FAM227B: variants seen among roughly 807,000 people sequenced by gnomAD.
The protein encoded by FAM227B is protein FAM227B.
Under a neutral mutation model 73.8 loss-of-function variants are expected in FAM227B, and 88 were observed. The ratio of observed to expected loss-of-function variants is 1.19; its 90% CI spans 1.00 to 1.42. The LOEUF (loss-of-function observed/expected upper bound fraction) is 1.42, where lower values mean the gene tolerates loss of function less well. FAM227B is among the 40% of genes most tolerant of loss of function. The pLI, the probability that FAM227B is intolerant of heterozygous loss-of-function variation, is 0.00. For synonymous variants in FAM227B, 210 were observed against 190.5 expected, an observed-to-expected ratio of 1.10 and a Z score of -0.84; for missense variants, 632 against 590.9, an observed-to-expected ratio of 1.07 and a Z score of -0.72.
chr15:49,547,570 A>C (rs1199112031), intron 9 of FAM227B, among the ~76,000 whole-genome samples: 1 of 152,204 alleles, frequency 6.6e-6, no homozygotes, highest in African/African-American at 2.4e-5. Context: ...GCTCAAAATA[A>C]AGGGATGGAG....
chr15:49,460,859 ATGTTT>A (rs1415274697), intron 11 of FAM227B, among the ~76,000 whole-genome samples: 1 of 152,156 alleles, frequency 6.6e-6, no homozygotes. Context: ...TTGTTTGATT[ATGTTT>A]TGTTTTGTCT....
chr15:49,482,149 T>C (rs2056009743), intron 11 of FAM227B, among the ~76,000 whole-genome samples: 1 of 152,096 alleles, frequency 6.6e-6, no homozygotes, highest in Admixed American at 6.6e-5. Flanking sequence ...CTCAGGACTG[T>C]ACCTTCATGT....
chr15:49,530,596 G>A (rs1567500889), intron 10 of FAM227B, among the ~76,000 whole-genome samples: 2 of 151,740 alleles, frequency 1.3e-5, no homozygotes, highest in South Asian at 2.1e-4. Flanking sequence ...TGCCTCTGTT[G>A]TAATAGAACT....
At chr15:49,554,945 C>T (rs2073481743) in intron 9 of FAM227B, among the ~76,000 whole-genome samples, 2 of 152,076 alleles carry the variant, frequency 1.3e-5, no homozygotes, top group Admixed American at 6.5e-5. Context: ...GGATTTTTCT[C>T]CATCCCTTTA....
At chr15:49,489,742 T>C (rs866805999) in intron 11 of FAM227B, among the ~76,000 whole-genome samples, 1 of 142,434 alleles carries the variant, frequency 7.0e-6, no homozygotes, top group South Asian at 2.2e-4. Context: ...TGGTATCCCC[T>C]GTTCTATATA....
At chr15:49,464,463 T>C (rs1342888283) in intron 11 of FAM227B, among the ~76,000 whole-genome samples, 2 of 152,210 alleles carry the variant, frequency 1.3e-5, no homozygotes, top group African/African-American at 2.4e-5. Context: ...AGTTTGTAGG[T>C]TGGGCTAACA....
intron 11 of FAM227B, among the ~76,000 whole-genome samples, chr15:49,376,429 T>C (rs1370992971): frequency 6.6e-6 from 1 of 152,086 alleles, no homozygotes; most frequent in Non-Finnish European, 1.5e-5. Context: ...CAATGACCCA[T>C]GAATGTGAGA....
intron 11 of FAM227B, among the ~76,000 whole-genome samples, chr15:49,403,007 A>G (rs1456828236): frequency 1.3e-5 from 2 of 152,160 alleles, no homozygotes; most frequent in Non-Finnish European, 2.9e-5. Context: ...ATTTTATTGA[A>G]GGCCTTTTTT....
chr15:49,584,192 T>A (rs889044507), intron 5 of FAM227B, among the ~76,000 whole-genome samples: 3 of 152,214 alleles, frequency 2.0e-5, no homozygotes, highest in Non-Finnish European at 4.4e-5. Context: ...ATCCCTGGGA[T>A]GCAAAATTGG....
At chr15:49,558,444 T>C (rs1000832371) in intron 9 of FAM227B, among the ~76,000 whole-genome samples, 1 of 152,178 alleles carries the variant, frequency 6.6e-6, no homozygotes, top group Non-Finnish European at 1.5e-5. Flanking sequence ...CCAGTCTCCA[T>C]TGCTCCAGCT....
intron 13 of FAM227B, among the ~76,000 whole-genome samples, chr15:49,363,808 G>A (rs2044661925): frequency 6.6e-6 from 1 of 152,002 alleles, no homozygotes. Flanking sequence ...AGTTTGTTGA[G>A]GGTTTTTTAT....
intron 11 of FAM227B, among the ~76,000 whole-genome samples, chr15:49,499,981 TA>T (rs950059031): frequency 3.9e-5 from 6 of 152,162 alleles, no homozygotes; most frequent in Non-Finnish European, 5.9e-5. Context: ...CAAACTATAT[TA>T]AAAAATTGAT....
At chr15:49,532,495 T>C (rs992845449) in intron 10 of FAM227B, among the ~76,000 whole-genome samples, 1 of 151,646 alleles carries the variant, frequency 6.6e-6, no homozygotes, top group Non-Finnish European at 1.5e-5. Flanking sequence ...AATATTTTTG[T>C]CAAGTAAAAA....
chr15:49,390,507 T>C (rs547493590), intron 11 of FAM227B, among the ~76,000 whole-genome samples: 4 of 152,200 alleles, frequency 2.6e-5, no homozygotes, highest in Admixed American at 6.5e-5. Flanking sequence ...CAAAGTGGCA[T>C]TGTCATTTAC....
intron 11 of FAM227B, among the ~76,000 whole-genome samples, chr15:49,382,819 A>C (rs538218651): frequency 6.6e-6 from 1 of 152,206 alleles, no homozygotes; most frequent in East Asian, 1.9e-4. Context: ...AAAAGACTCT[A>C]TGGGTAGCTG....
intron 6 of FAM227B, 63 bp from the exon 7 acceptor site, chr15:49,576,908 T>C: frequency 1.1e-6 from 1 of 882,560 alleles, no homozygotes; most frequent in South Asian, 1.5e-5. Flanking sequence ...AGTAGACTCA[T>C]ATAACTACAG....
At chr15:49,493,763 C>A (rs927374937) in intron 11 of FAM227B, among the ~76,000 whole-genome samples, 14 of 151,800 alleles carry the variant, frequency 9.2e-5, no homozygotes, top group African/African-American at 3.4e-4. Context: ...ATCCATCCAC[C>A]TACACTCATC....
intron 11 of FAM227B, among the ~76,000 whole-genome samples, chr15:49,457,877 CT>C (rs34760336): frequency 0.053 from 8,006 of 151,932 alleles, 364 homozygotes; most frequent in East Asian, 0.24. Flanking sequence ...TTAAATGAAT[CT>C]AATCATTTTT....
At chr15:49,513,531 T>G (rs956392127) in intron 10 of FAM227B, among the ~76,000 whole-genome samples, 1 of 152,152 alleles carries the variant, frequency 6.6e-6, no homozygotes, top group Non-Finnish European at 1.5e-5. Flanking sequence ...CTTGCAAAAA[T>G]TTTCTCCCGT....
Sources: gnomAD v4.1 joint callset for allele counts (sites outside exome capture counted in the v4.1 genomes callset) on GRCh38, gnomAD v4.1.1 for gene constraint, MANE v1.5 for transcripts, NCBI Gene and HGNC (gene_info 2026-07-23, HGNC 2026-07-21) for gene names.